ZFYVE9: variants seen among roughly 807,000 people sequenced by gnomAD.
ZFYVE9 encodes the protein zinc finger FYVE domain-containing protein 9.
In ZFYVE9, 43 loss-of-function variants were observed where a neutral mutation model predicts 126.7. The ratio of observed to expected loss-of-function variants is 0.34; its 90% CI spans 0.27 to 0.44. The LOEUF (loss-of-function observed/expected upper bound fraction) is 0.44. ZFYVE9 is among the 20% of genes least tolerant of loss of function. The pLI is 1.00. For synonymous variants in ZFYVE9, 521 were observed against 597.4 expected (o/e 0.87, Z 1.87); for missense variants, 1,476 against 1,697.0 (o/e 0.87, Z 2.29).
intron 5 of ZFYVE9, 151 bp from the exon 6 acceptor site, chr1:52,266,504 C>A: frequency 2.4e-6 from 1 of 417,994 alleles, no homozygotes; most frequent in Non-Finnish European, 3.8e-6. Context: ...TACATAAAAT[C>A]ACCTATCTCT....
chr1:52,307,190 A>G (rs1307911989), intron 13 of ZFYVE9, among the ~76,000 whole-genome samples: 1 of 152,184 alleles, frequency 6.6e-6, no homozygotes, highest in African/African-American at 2.4e-5. Context: ...TTGTTTGTAC[A>G]AGTATATCTG....
At chr1:52,290,593 A>G (rs1645909432) in intron 10 of ZFYVE9, among the ~76,000 whole-genome samples, 1 of 152,150 alleles carries the variant, frequency 6.6e-6, no homozygotes, top group Non-Finnish European at 1.5e-5. Flanking sequence ...ATTGTATCCT[A>G]GAATTCCAGG....
At chr1:52,234,454 C>T (rs1645255411) in intron 3 of ZFYVE9, among the ~76,000 whole-genome samples, 1 of 152,138 alleles carries the variant, frequency 6.6e-6, no homozygotes, top group Non-Finnish European at 1.5e-5. Flanking sequence ...GAGTGAGACC[C>T]TGTCTTAAAA....
intron 10 of ZFYVE9, among the ~76,000 whole-genome samples, chr1:52,290,158 T>C (rs1451061718): frequency 6.6e-6 from 1 of 152,160 alleles, no homozygotes; most frequent in African/African-American, 2.4e-5. Context: ...AAGTCCAAGA[T>C]TGAGGGGTAG....
intron 1 of ZFYVE9, among the ~76,000 whole-genome samples, chr1:52,189,452 G>T (rs1043737667): frequency 5.3e-5 from 8 of 151,890 alleles, no homozygotes; most frequent in African/African-American, 1.9e-4. Context: ...GGCCAGGCTG[G>T]TCTCTAACTC....
At position 52,225,658 on chromosome 1, in the gene ZFYVE9, CAGTT is replaced by C. The variant is rs761364378; in HGVS notation, c.-36-7510_-36-7507del. Among the ~76,000 whole-genome samples the C allele has an allele frequency of 3.9e-5, 6 of 152,106 alleles. No individual in the cohort carries two copies. In the East Asian group the frequency reaches 5.8e-4, roughly 15 times the overall value. Reference sequence around the variant, plus strand: ...TGAAGGGGTGGCGGTAAAGAAGAAACAGTTAGGCTTAACAGAAGAAGGGGTAGGA... The same window carrying C: ...TGAAGGGGTGGCGGTAAAGAAGAAACAGGCTTAACAGAAGAAGGGGTAGGA... On this transcript the variant is annotated intron_variant, in intron 2 of 18. Coordinates refer to ENST00000287727, the MANE Select transcript of ZFYVE9 (RefSeq NM_004799.4).
chr1:52,224,770 A>G (rs1167860656), intron 2 of ZFYVE9, among the ~76,000 whole-genome samples: 1 of 152,090 alleles, frequency 6.6e-6, no homozygotes, highest in East Asian at 1.9e-4. Flanking sequence ...GGCCTTTTAT[A>G]GTCCCTGTCT....
chr1:52,184,958 A>G (rs1252541987), intron 1 of ZFYVE9, among the ~76,000 whole-genome samples: 2 of 152,152 alleles, frequency 1.3e-5, no homozygotes, highest in Non-Finnish European at 2.9e-5. Context: ...GTTCAAGACC[A>G]GTCTGGGCAG....
intron 1 of ZFYVE9, among the ~76,000 whole-genome samples, chr1:52,198,888 A>G (rs1644896042): frequency 6.6e-6 from 1 of 152,220 alleles, no homozygotes; most frequent in African/African-American, 2.4e-5. Context: ...ATACATCATT[A>G]TCACCCAAAG....
chr1:52,223,291 C>T (rs1297975968), intron 2 of ZFYVE9, among the ~76,000 whole-genome samples: 1 of 152,174 alleles, frequency 6.6e-6, no homozygotes, highest in East Asian at 1.9e-4. Flanking sequence ...CCTCCCTGTT[C>T]CCTGACTCTC....
chr1:52,175,824 C>T (rs1240118029), intron 1 of ZFYVE9, among the ~76,000 whole-genome samples: 2 of 152,222 alleles, frequency 1.3e-5, no homozygotes, highest in Non-Finnish European at 2.9e-5. Context: ...GCATTCTTCA[C>T]GTAGTTCTCG....
chr1:52,307,586 A>G (rs1646096659), intron 13 of ZFYVE9, among the ~76,000 whole-genome samples: 2 of 152,078 alleles, frequency 1.3e-5, no homozygotes, highest in Admixed American at 1.3e-4. Context: ...AATAGCTCCT[A>G]TTCATATAAC....
chr1:52,306,291 C>T (rs1396365248), intron 13 of ZFYVE9, among the ~76,000 whole-genome samples: 1 of 152,160 alleles, frequency 6.6e-6, no homozygotes, highest in East Asian at 1.9e-4. Context: ...CTGCCCACTC[C>T]AGGGTCTCCT....
intron 1 of ZFYVE9, among the ~76,000 whole-genome samples, chr1:52,188,983 G>A (rs1644791466): frequency 1.3e-5 from 2 of 151,968 alleles, no homozygotes; most frequent in Admixed American, 6.6e-5. Context: ...TGTTGCCCAC[G>A]TTGGAGTGCA....
intron 13 of ZFYVE9, among the ~76,000 whole-genome samples, chr1:52,322,992 G>A (rs1056998811): frequency 1.4e-4 from 21 of 152,034 alleles, no homozygotes; most frequent in African/African-American, 4.8e-4. Flanking sequence ...TTTTAGTAGA[G>A]ACAGGGTTTC....
intron 1 of ZFYVE9, among the ~76,000 whole-genome samples, chr1:52,193,707 C>CAAAAAAAAAA (rs771434275): frequency 7.1e-5 from 4 of 56,430 alleles, no homozygotes; most frequent in Non-Finnish European, 9.8e-5. Context: ...AACTCTGTCT[C>CAAAAAAAAAA]AAAAAAAAAA....
chr1:52,283,977 T>C (rs1159657464), intron 10 of ZFYVE9, among the ~76,000 whole-genome samples: 1 of 152,174 alleles, frequency 6.6e-6, no homozygotes, highest in African/African-American at 2.4e-5. Context: ...ATTGGAGAGA[T>C]ACGAAAGATG....
intron 13 of ZFYVE9, among the ~76,000 whole-genome samples, chr1:52,306,484 C>G (rs938280696): frequency 2.0e-5 from 3 of 152,236 alleles, no homozygotes; most frequent in Non-Finnish European, 4.4e-5. Flanking sequence ...TGCTCACCCT[C>G]CACTTGTCTG....
intron 1 of ZFYVE9, among the ~76,000 whole-genome samples, chr1:52,148,947 A>ATT (rs56300233): frequency 0.011 from 380 of 34,304 alleles, 31 homozygotes; most frequent in Non-Finnish European, 0.014. Context: ...CCTTAACATG[A>ATT]TTTTTTTTTT....
Sources: allele counts gnomAD v4.1 joint callset (sites outside exome capture counted in the v4.1 genomes callset), GRCh38; gene constraint gnomAD v4.1.1; transcripts MANE v1.5; gene names NCBI Gene and HGNC (gene_info 2026-07-23, HGNC 2026-07-21).